NBPF11: variants seen among roughly 807,000 people sequenced by gnomAD.
NBPF11 encodes NBPF member 11.
Under a neutral mutation model 93.9 loss-of-function variants are expected in NBPF11, and 72 were observed. That is an observed-to-expected ratio of 0.77 (90% confidence interval 0.63 to 0.93). The LOEUF is 0.93. NBPF11 is among the 40% of genes least tolerant of loss of function. The pLI is 0.00. For missense variants in NBPF11, 705 were observed against 802.2 expected, an observed-to-expected ratio of 0.88 and a Z score of 1.46; for synonymous variants, 224 against 304.9, an observed-to-expected ratio of 0.73 and a Z score of 2.76.
chr1:148,137,949 G>A lies in NBPF11; in HGVS notation c.-276-140C>T, dbSNP rs1314574278. The A allele has an allele frequency of 2.4e-5, 3 of 125,462 alleles. 1 individual carries two copies. Among genetic ancestry groups the A allele is most frequent in the African/African-American group, 8.4e-5 (3 of 35,658 alleles). 7.8% of individuals were successfully genotyped at this position (125,462 alleles called of 1,614,324 possible). ...CAGAGAAAGAAAAATGGGCCCAGGG[G>A]ACTGGCGTTCAGCATACGGAGGACC... is the stretch of plus-strand genomic sequence containing the variant. On this transcript the variant is annotated intron_variant, in intron 2 of 23. Transcript: ENST00000682118.
chr1:148,106,432 T>C (rs1425144363), intron 20 of NBPF11, among the ~76,000 whole-genome samples, 200 bp from the exon 21 acceptor site: 6,154 of 136,294 alleles, frequency 0.045, 179 homozygotes, highest in Middle Eastern at 0.098. Flanking sequence ...GAAATATCCC[T>C]ATTCTGGTAG....
At chr1:148,133,848 G>A (rs1670835405) in intron 4 of NBPF11, among the ~76,000 whole-genome samples, 1 of 151,114 alleles carries the variant, frequency 6.6e-6, no homozygotes, top group African/African-American at 2.4e-5. Context: ...ACAGGTCTCT[G>A]TCCTCAGAAC....
Position 148,122,213 on chromosome 1 carries a change from C to T in NBPF11, c.620G>A (p.Cys207Tyr), listed in dbSNP as rs1668034471. Residue 207 changes from cysteine (C) to tyrosine (Y), a missense_variant, in exon 9 of 24, where the codon TGT becomes TAT. By Grantham distance (194) the Cys-to-Tyr change is radical. Around this residue, in one of 12 missense-constraint regions of NBPF11, gnomAD observed 262 missense variants for 223.1 expected, o/e 1.17. Transcript: ENST00000682118. ...GTGGCTATTTGAACAAGTGATGGCA[C>T]ATTCCTCCAGTGAGTCCTCAGGGAC... ...SKVPEDSLEE[C>Y]AITCSNSHGP... The T allele has an allele frequency of 3.7e-6, 6 of 1,612,260 alleles. 1 individual carries two copies. The Admixed American group carries it at 5.0e-5, about 13-fold the overall frequency.
At chr1:148,106,728 T>G (rs1269342553) in intron 20 of NBPF11, among the ~76,000 whole-genome samples, 10 of 148,814 alleles carry the variant, frequency 6.7e-5, no homozygotes, top group Admixed American at 2.0e-4. Flanking sequence ...GCCATAGGCA[T>G]GGCTGGAGAC....
intron 12 of NBPF11, among the ~76,000 whole-genome samples, chr1:148,116,827 C>T (rs1252281950): frequency 2.6e-5 from 4 of 152,046 alleles, no homozygotes; most frequent in Non-Finnish European, 5.9e-5. Flanking sequence ...CAGCTGTCTC[C>T]CCCATCCTGC....
At chr1:148,133,253 A>G (rs1670712660) in intron 4 of NBPF11, among the ~76,000 whole-genome samples, 1 of 151,884 alleles carries the variant, frequency 6.6e-6, no homozygotes. Context: ...GTTAACAAAC[A>G]CAGTCATTAT....
rs1333782257 is a variant in NBPF11, at chr1:148,144,807, C to T, written c.-548-1121G>A. On this transcript the variant is annotated intron_variant, in intron 1 of 23. Coordinates refer to ENST00000682118, the MANE Select transcript of NBPF11 (RefSeq NM_001385469.3). ...GGGCACCACAGGAAGACCCTGTCTA[C>T]AAAAAATAAAAAATTAGCTGGGCAT... Among the ~76,000 whole-genome samples, 185 of 151,718 alleles carry T rather than the reference C, an allele frequency of 1.2e-3. 4 individuals are homozygous for T. The highest frequency in any genetic ancestry group is 4.4e-3 in the African/African-American group (180 of 41,170).
intron 6 of NBPF11, 67 bp downstream of exon 6, chr1:148,124,832 G>A (rs1341133673): frequency 9.7e-5 from 150 of 1,548,714 alleles, no homozygotes; most frequent in East Asian, 8.4e-4. Context: ...ACTTCTCCCC[G>A]CCGAGCTGCT....
intron 21 of NBPF11, 22 bp downstream of exon 21, chr1:148,106,159 C>A (rs1244901615): frequency 3.8e-6 from 3 of 783,282 alleles, no homozygotes; most frequent in African/African-American, 3.4e-5. Flanking sequence ...ACAGAAGTAG[C>A]TGTTCACAAT....
chr1:148,141,934 AAAG>A (rs1672230868), intron 2 of NBPF11, among the ~76,000 whole-genome samples: 1 of 149,768 alleles, frequency 6.7e-6, no homozygotes, highest in African/African-American at 2.5e-5. Flanking sequence ...AACAAAAAGG[AAAG>A]AAAAAGAGAG....
intron 10 of NBPF11, among the ~76,000 whole-genome samples, chr1:148,119,598 C>T (rs1299371446): frequency 1.3e-5 from 2 of 151,672 alleles, no homozygotes; most frequent in African/African-American, 2.4e-5. Context: ...ACTCTGTGCC[C>T]CAGGAAGCAG....
intron 4 of NBPF11, among the ~76,000 whole-genome samples, chr1:148,130,204 T>C (rs1278632621): frequency 6.6e-6 from 1 of 151,906 alleles, no homozygotes; most frequent in Non-Finnish European, 1.5e-5. Context: ...CTTTGATATA[T>C]TTATGAATAC....
At chr1:148,144,644 G>C (rs1185821026) in intron 1 of NBPF11, among the ~76,000 whole-genome samples, 1 of 151,848 alleles carries the variant, frequency 6.6e-6, no homozygotes, top group Non-Finnish European at 1.5e-5. Flanking sequence ...AGAGATTTTA[G>C]TACCTGTTTT....
At chr1:148,136,293 C>T (rs1187175740) in intron 3 of NBPF11, among the ~76,000 whole-genome samples, 6 of 151,478 alleles carry the variant, frequency 4.0e-5, no homozygotes, top group Admixed American at 6.6e-5. Flanking sequence ...CAGTTTTATT[C>T]GTAATAGGAA....
At chr1:148,121,368 G>T (rs1270994322) in intron 9 of NBPF11, among the ~76,000 whole-genome samples, 1 of 104,972 alleles carries the variant, frequency 9.5e-6, no homozygotes, top group African/African-American at 3.8e-5. Context: ...TTTTTTTTGA[G>T]ATGCAGTCTC....
At position 148,103,921 on chromosome 1, in the gene NBPF11, G is replaced by T. The variant is rs1394367712; in HGVS notation, c.2582-9C>A. 4 of 1,610,664 alleles carry T rather than the reference G, an allele frequency of 2.5e-6. No individual in the cohort carries two copies. Among genetic ancestry groups the T allele is most frequent in the Non-Finnish European group, 3.4e-6 (4 of 1,178,986 alleles). ...TCAGCACGCTGCTGAGCCTGGAAAAGGAGACAAAACTAAAGAAGCAGCCAG... is the reference window on the plus strand; with the variant it reads ...TCAGCACGCTGCTGAGCCTGGAAAATGAGACAAAACTAAAGAAGCAGCCAG... On this transcript the variant is annotated splice_polypyrimidine_tract_variant and intron_variant, in intron 23 of 23. Coordinates refer to ENST00000682118, the MANE Select transcript of NBPF11 (RefSeq NM_001385469.3).
At chr1:148,127,858 G>A (rs1444665636) in intron 4 of NBPF11, among the ~76,000 whole-genome samples, 1 of 149,742 alleles carries the variant, frequency 6.7e-6, no homozygotes. Flanking sequence ...GGGTTTCACT[G>A]TGTTAGCCAG....
chr1:148,126,674 T>C (rs1266656090), intron 5 of NBPF11, among the ~76,000 whole-genome samples, 155 bp downstream of exon 5: 1 of 151,220 alleles, frequency 6.6e-6, no homozygotes, highest in Non-Finnish European at 1.5e-5. Flanking sequence ...AGTTGCTAAA[T>C]ACTTTGGTAC....
chr1:148,149,702 C>T (rs1647799168), intron 1 of NBPF11: 1 of 609,790 alleles, frequency 1.6e-6, no homozygotes, highest in South Asian at 2.0e-5. Flanking sequence ...GGGCTGTGGA[C>T]GATGTACAGG....
Sources: allele counts gnomAD v4.1 joint callset (sites outside exome capture counted in the v4.1 genomes callset), GRCh38; gene constraint gnomAD v4.1.1; regional missense constraint gnomAD v4.1.1; transcripts MANE v1.5; gene names NCBI Gene and HGNC (gene_info 2026-07-23, HGNC 2026-07-21).